The following IQCH variants were observed in gnomAD, a reference collection of about 807,000 sequenced individuals.
IQCH encodes the protein IQ motif containing H.
A neutral mutation model predicts 117.0 loss-of-function variants in IQCH; 98 were observed. The ratio of observed to expected loss-of-function variants is 0.84; its 90% confidence interval spans 0.71 to 0.99. IQCH has a LOEUF of 0.99. IQCH is among the 50% of genes least tolerant of loss of function. IQCH has a pLI of 0.00. For synonymous variants in IQCH, 412 were observed against 448.2 expected, an observed-to-expected ratio of 0.92 and a Z score of 1.02; for missense variants, 1,102 against 1,243.8, an observed-to-expected ratio of 0.89 and a Z score of 1.72.
At chr15:67,374,839 AG>A (rs1477240354) in intron 10 of IQCH, among the ~76,000 whole-genome samples, 1 of 152,236 alleles carries the variant, frequency 6.6e-6, no homozygotes, top group Non-Finnish European at 1.5e-5. Flanking sequence ...AGTTGACTTG[AG>A]TCCTTCGAAT....
chr15:67,329,197 G>A (rs891635019), intron 4 of IQCH, among the ~76,000 whole-genome samples: 2 of 151,968 alleles, frequency 1.3e-5, no homozygotes, highest in Non-Finnish European at 2.9e-5. Context: ...TGCTCAAGAG[G>A]CTGAGGTAGG....
At chr15:67,482,312 T>C (rs1238754603) in intron 18 of IQCH, among the ~76,000 whole-genome samples, 2 of 152,246 alleles carry the variant, frequency 1.3e-5, no homozygotes, top group African/African-American at 2.4e-5. Context: ...CTCTCATTGT[T>C]TCTCTTTCCA....
At chr15:67,311,461 A>G (rs533234873) in intron 4 of IQCH, among the ~76,000 whole-genome samples, 114 of 151,294 alleles carry the variant, frequency 7.5e-4, no homozygotes, top group African/African-American at 2.5e-3. Context: ...AGTTATTTAT[A>G]ACTCTTGATT....
chr15:67,365,168 A>G lies in IQCH; in HGVS notation c.753+5283A>G, dbSNP rs1401559193. 1.3e-5 allele frequency among the ~76,000 whole-genome samples: 2 copies of G among 152,212 alleles called. No individual in the cohort carries two copies. Among genetic ancestry groups the G allele is most frequent in the Middle Eastern group, 3.4e-3 (1 of 294 alleles). ...ACCATGTTGCCCAGGCTGGTCTGGA[A>G]CTCGTGGACTCAAGTGATCTGCCTG... On this transcript the variant is annotated intron_variant, in intron 8 of 20. Coordinates refer to ENST00000335894, the MANE Select transcript of IQCH (RefSeq NM_001031715.3). This position sits in a 1 kb window ranked among gnomAD's most constrained non-coding sequence, Gnocchi z 4.4.
At position 67,481,878 on chromosome 15, in the gene IQCH, T is replaced by C. The variant is rs556883355; in HGVS notation, c.2799+6060T>C. On this transcript the variant is annotated intron_variant, in intron 18 of 20. Transcript: ENST00000335894. This position sits in a 1 kb window ranked among gnomAD's most constrained non-coding sequence, Gnocchi z 4.1. The stretch of plus-strand genomic sequence containing the variant: ...AAAAGAGACTGTTGCTGCTTAAGAC[T>C]TAAAACAACCCTTGGGCCCTCAACT... 1.9e-3 allele frequency among the ~76,000 whole-genome samples: 296 copies of C among 152,324 alleles called. No homozygotes were observed. Among genetic ancestry groups the C allele is most frequent in the Non-Finnish European group, 2.3e-3 (157 of 68,018 alleles).
chr15:67,345,311 C>A (rs559107403), intron 6 of IQCH, among the ~76,000 whole-genome samples: 1 of 152,072 alleles, frequency 6.6e-6, no homozygotes, highest in Non-Finnish European at 1.5e-5. Flanking sequence ...TAAACAGTTA[C>A]CTCCTCCTCC....
In IQCH at chr15:67,370,089, A is replaced by T. The variant is rs1268683563; in HGVS notation, c.754-2022A>T. On this transcript the variant is annotated intron_variant, in intron 8 of 20. Transcript: ENST00000335894. The surrounding 1 kb of genome is among the most constrained non-coding windows in gnomAD (Gnocchi z 5.6). Reference sequence around the variant, plus strand: ...AGGCTGTTCTTTCAGAAGGTCTAAAATACATTTGCTGATGTACGTAAAAAC... The same window carrying T: ...AGGCTGTTCTTTCAGAAGGTCTAAATTACATTTGCTGATGTACGTAAAAAC... 6.6e-6 allele frequency among the ~76,000 whole-genome samples: 1 copy of T among 152,186 alleles called. No homozygotes were observed. Among genetic ancestry groups the T allele is most frequent in the Non-Finnish European group, 1.5e-5 (1 of 68,036 alleles).
intron 4 of IQCH, among the ~76,000 whole-genome samples, chr15:67,280,002 C>T (rs1379251609): frequency 3.3e-5 from 5 of 150,696 alleles, no homozygotes; most frequent in African/African-American, 9.8e-5. Flanking sequence ...GGCGACAGAG[C>T]GAGACTCCGT....
chr15:67,478,783 G>T (rs1013761418), intron 18 of IQCH, among the ~76,000 whole-genome samples: 1 of 152,044 alleles, frequency 6.6e-6, no homozygotes, highest in Non-Finnish European at 1.5e-5. Flanking sequence ...AATTAGCTGG[G>T]TGTGTTGGCA....
rs768637014 is a variant in IQCH at position 67,366,993 on chromosome 15, A to C, written c.754-5118A>C. Among the ~76,000 whole-genome samples the C allele has an allele frequency of 6.6e-6, 1 of 152,122 alleles. No individual in the cohort carries two copies. The highest frequency in any genetic ancestry group is 1.5e-5 in the Non-Finnish European group (1 of 68,030). ...ATGGCTTTACTGGCTCCAGAAGTTT[A>C]TTAAAAAGCCAATACCCCTGCAGGG... On this transcript the variant is annotated intron_variant, in intron 8 of 20. Coordinates refer to ENST00000335894, the MANE Select transcript of IQCH (RefSeq NM_001031715.3). The surrounding 1 kb of genome is among the most constrained non-coding windows in gnomAD (Gnocchi z 4.4).
At chr15:67,332,128 T>G (rs1968692645) in intron 4 of IQCH, among the ~76,000 whole-genome samples, 1 of 152,126 alleles carries the variant, frequency 6.6e-6, no homozygotes, top group Admixed American at 6.6e-5. Flanking sequence ...AGAAAGGGTA[T>G]TCGATAATAT....
Position 67,401,802 on chromosome 15 carries a change from GA to G in IQCH, c.2097+1501del, listed in dbSNP as rs1238096235. On this transcript the variant is annotated intron_variant, in intron 14 of 20. Coordinates refer to ENST00000335894, the MANE Select transcript of IQCH (RefSeq NM_001031715.3). The surrounding 1 kb of genome is among the most constrained non-coding windows in gnomAD (Gnocchi z 4.7). ...TCTTCTAGATAAAGATAAAAACAAA[GA>G]AAATGTATTTAATTTTGAGGCCCAT... Among the ~76,000 whole-genome samples the G allele has an allele frequency of 6.6e-6, 1 of 152,032 alleles. No individual in the cohort carries two copies. Among genetic ancestry groups the G allele is most frequent in the African/African-American group, 2.4e-5 (1 of 41,372 alleles).
At chr15:67,322,819 A>C (rs1169122581) in intron 4 of IQCH, among the ~76,000 whole-genome samples, 1 of 151,902 alleles carries the variant, frequency 6.6e-6, no homozygotes, top group Non-Finnish European at 1.5e-5. Context: ...TGGGTGGTTT[A>C]TCTTCCAGTC....
At chr15:67,271,027 C>T (rs1323771140) in intron 3 of IQCH, among the ~76,000 whole-genome samples, 1 of 152,086 alleles carries the variant, frequency 6.6e-6, no homozygotes, top group Non-Finnish European at 1.5e-5. Flanking sequence ...GGAGTGCAGT[C>T]GTGCAATCTT....
At chr15:67,460,511 C>T (rs1188716017) in intron 16 of IQCH, among the ~76,000 whole-genome samples, 1 of 152,184 alleles carries the variant, frequency 6.6e-6, no homozygotes, top group Non-Finnish European at 1.5e-5. Flanking sequence ...GTGTCATAGT[C>T]TTTTTAGCCA....
chr15:67,373,570 G>C (rs1033978317), intron 10 of IQCH, 137 bp downstream of exon 10: 2 of 716,848 alleles, frequency 2.8e-6, no homozygotes, highest in Non-Finnish European at 5.1e-6. Flanking sequence ...CATGATGAGA[G>C]TAATAACACA....
intron 6 of IQCH, among the ~76,000 whole-genome samples, chr15:67,353,160 A>G (rs984177427): frequency 6.6e-6 from 1 of 151,396 alleles, no homozygotes; most frequent in Non-Finnish European, 1.5e-5. Context: ...AAAAAAATAA[A>G]GAAAAAAGAA....
In IQCH at chr15:67,416,300, C is replaced by G. The variant is rs1412207018; in HGVS notation, c.2098-631C>G. 6.6e-6 allele frequency among the ~76,000 whole-genome samples: 1 copy of G among 151,922 alleles called. No individual in the cohort carries two copies. The highest frequency in any genetic ancestry group is 1.9e-4 in the East Asian group (1 of 5,186). On this transcript the variant is annotated intron_variant, in intron 14 of 20. Coordinates refer to ENST00000335894, the MANE Select transcript of IQCH (RefSeq NM_001031715.3). The surrounding 1 kb of genome is among the most constrained non-coding windows in gnomAD (Gnocchi z 5.1). ...TGGGAGGCCGAGGCGGGCGGATCAC[C>G]TGAGGTCGGGAGTTTGAGACCAGCC...
rs1356841417 is a variant in IQCH, at chr15:67,373,384, G to A, written c.1323G>A (p.Trp441Ter). ...RIRAKHLAAN[W>*]NRIRTSRRTI... ...ATTTTTAGCATCTGGCAGCCAACTGGAATCGCATCAGGACCTCCAGGAGGA... is the reference window on the plus strand; with the variant it reads ...ATTTTTAGCATCTGGCAGCCAACTGAAATCGCATCAGGACCTCCAGGAGGA... Residue 441 changes from tryptophan to a stop codon, truncating the protein, a stop_gained, in exon 10 of 21, where the codon TGG becomes TGA. Transcript: ENST00000335894. LOFTEE classifies it high-confidence loss of function. 1.2e-6 allele frequency: 2 copies of A among 1,612,600 alleles called. No homozygotes were observed. The highest frequency in any genetic ancestry group is 1.7e-6 in the Non-Finnish European group (2 of 1,178,982).
Sources: gnomAD v4.1 joint callset for allele counts (sites outside exome capture counted in the v4.1 genomes callset) on GRCh38, gnomAD v4.1.1 for gene constraint, Gnocchi (gnomAD v3.1) non-coding constraint, MANE v1.5 for transcripts, NCBI Gene and HGNC (gene_info 2026-07-23, HGNC 2026-07-21) for gene names.